DST: variants seen among roughly 807,000 people sequenced by gnomAD.
DST encodes dystonin, also known as bullous pemphigoid antigen.
DST carries 253 observed loss-of-function variants against 875.2 expected under a neutral mutation model. The ratio of observed to expected loss-of-function variants is 0.29; its 90% CI spans 0.26 to 0.32. The LOEUF (loss-of-function observed/expected upper bound fraction) is 0.32. Ranked by LOEUF, DST falls within the 10% of genes least tolerant of loss-of-function variation. The probability of loss-of-function intolerance (pLI) is 1.00; values close to 1 mark genes in which losing one functional copy is unlikely to be tolerated. For synonymous variants in DST, 3,124 were observed against 3,197.1 expected, an observed-to-expected ratio of 0.98 and a Z score of 0.77; for missense variants, 8,287 against 9,111.6, an observed-to-expected ratio of 0.91 and a Z score of 3.68.
intron 4 of DST, among the ~76,000 whole-genome samples, chr6:56,766,836 G>A (rs1173432414): frequency 6.6e-6 from 1 of 152,042 alleles, no homozygotes; most frequent in Non-Finnish European, 1.5e-5. Context: ...CAGCCTTGCA[G>A]TACCTTTAAT....
rs1766824896 is a variant in DST at position 56,854,407 on chromosome 6, C to T, written c.418-2803G>A. 4.0e-5 allele frequency among the ~76,000 whole-genome samples: 6 copies of T among 151,846 alleles called. No homozygotes were observed. In the South Asian group the frequency reaches 1.0e-3, roughly 26 times the overall value. On this transcript the variant is annotated intron_variant, in intron 3 of 103. Transcript: ENST00000680361. ...ACTATTGTTGCCTAAGGTTTGATTC[C>T]TATTAAAATACAAATTCGGTAGCTA...
At chr6:56,502,789 G>A (rs760738385) in intron 78 of DST, among the ~76,000 whole-genome samples, 4 of 152,072 alleles carry the variant, frequency 2.6e-5, no homozygotes, top group Admixed American at 2.6e-4. Flanking sequence ...GTTTCTAAAT[G>A]AAATATTCTA....
intron 2 of DST, among the ~76,000 whole-genome samples, chr6:56,924,295 G>A (rs1033992427): frequency 5.3e-5 from 8 of 152,106 alleles, no homozygotes; most frequent in African/African-American, 1.2e-4. Flanking sequence ...GAGTTGGAAC[G>A]ATAAACATAA....
chr6:56,615,467 G>C (rs1420378454), intron 36 of DST: 16 of 1,611,966 alleles, frequency 9.9e-6, no homozygotes, highest in Non-Finnish European at 1.4e-5. Flanking sequence ...TGAAAAAGTG[G>C]CATGAACCAG....
Position 56,459,278 on chromosome 6 carries a change from A to G in DST, c.23195-11T>C. 2 of 1,610,158 alleles carry G rather than the reference A, an allele frequency of 1.2e-6. No individual in the cohort carries two copies. Among genetic ancestry groups the G allele is most frequent in the Non-Finnish European group, 1.7e-6 (2 of 1,177,900 alleles). On this transcript the variant is annotated splice_polypyrimidine_tract_variant and intron_variant, in intron 103 of 103. Transcript: ENST00000680361. ...GAGTCTTCTTGGAATCTGAGGAAAG[A>G]AGGTAGAGACAGCTCACCCTTATTA...
intron 49 of DST, among the ~76,000 whole-genome samples, chr6:56,579,779 T>C (rs1186360941): frequency 1.6e-4 from 24 of 152,284 alleles, no homozygotes; most frequent in Admixed American, 1.5e-3. Flanking sequence ...GCTTCAAACA[T>C]CAGGCTAAGG....
chr6:56,688,871 A>C (rs1219329320), intron 9 of DST, among the ~76,000 whole-genome samples: 1 of 152,230 alleles, frequency 6.6e-6, no homozygotes, highest in Non-Finnish European at 1.5e-5. Context: ...AAAGAAATAA[A>C]GGAAGAGAGG....
intron 5 of DST, among the ~76,000 whole-genome samples, chr6:56,712,752 C>T (rs1372287652): frequency 6.6e-6 from 1 of 152,068 alleles, no homozygotes; most frequent in Non-Finnish European, 1.5e-5. Flanking sequence ...ATTGTAAATA[C>T]TTTAAAATAA....
chr6:56,647,277 G>A (rs2098948561), intron 13 of DST, among the ~76,000 whole-genome samples: 1 of 152,214 alleles, frequency 6.6e-6, no homozygotes, highest in South Asian at 2.1e-4. Context: ...GGTCGTTGTA[G>A]GGAAAAGTTT....
At chr6:56,872,660 G>A (rs1591933512) in intron 3 of DST, among the ~76,000 whole-genome samples, 1 of 152,228 alleles carries the variant, frequency 6.6e-6, no homozygotes, top group Non-Finnish European at 1.5e-5. Flanking sequence ...AGAACACTCA[G>A]GCCAATGGAA....
rs148116826 is a variant in DST at position 56,935,120 on chromosome 6, A to G, written c.216+18665T>C. ...AACAGCTCAAGGCATGCTTGAGTCCATTATTAACTGAAGTTTCTAGAGAAA... is the reference window on the plus strand; with the variant it reads ...AACAGCTCAAGGCATGCTTGAGTCCGTTATTAACTGAAGTTTCTAGAGAAA... On this transcript the variant is annotated intron_variant, in intron 2 of 103. Transcript: ENST00000680361. 2.9e-4 allele frequency among the ~76,000 whole-genome samples: 44 copies of G among 152,322 alleles called. No homozygotes were observed. The East Asian group carries it at 7.9e-3, about 27-fold the overall frequency.
Position 56,604,813 on chromosome 6 carries a change from A to G in DST, c.9815T>C (p.Leu3272Pro), listed in dbSNP as rs372600833. The G allele has an allele frequency of 1.2e-6, 2 of 1,612,728 alleles. No individual in the cohort carries two copies. The highest frequency in any genetic ancestry group is 2.7e-5 in the African/African-American group (2 of 74,820). Residue 3272 changes from leucine to proline, a missense_variant, in exon 40 of 104, where the codon CTT (leucine) becomes CCT (proline). Transcript: ENST00000680361. ...QFTPESIEATLSILSRKHVED... is the reference protein window; with the variant it reads ...QFTPESIEATPSILSRKHVED... The stretch of plus-strand genomic sequence containing the variant: ...TACATGTTTACGAGATAATATTGAA[A>G]GTGTGGCTTCAATACTTTCTGGTGT...
chr6:56,777,531 C>T (rs1356589364), intron 4 of DST, among the ~76,000 whole-genome samples: 2 of 151,916 alleles, frequency 1.3e-5, no homozygotes, highest in Admixed American at 6.6e-5. Context: ...ATAGCTTGCT[C>T]ATAAAAGAAA....
In DST at chr6:56,501,087, T is replaced by C. The variant is rs372914351; in HGVS notation, c.19889A>G (p.Lys6630Arg). The change falls in exon 80 of 104, where the codon AAG becomes AGG. Residue 6630 changes from lysine (K) to arginine (R), a missense_variant. Lys to Arg is a conservative substitution (Grantham distance 26, BLOSUM62 2). This residue lies in a region of DST where 1,292 missense variants were observed against 1,552.7 expected (regional missense o/e 0.83). Transcript: ENST00000680361. ...GCATTAACAGCTACGTACATGATGCTTGGCAAGTTCAATTTCAATGGCTTT... is the reference window on the plus strand; with the variant it reads ...GCATTAACAGCTACGTACATGATGCCTGGCAAGTTCAATTTCAATGGCTTT... Reference protein sequence around the residue: ...DPKAIEIELAKHHVLQNDVLA... With the variant: ...DPKAIEIELARHHVLQNDVLA... The C allele has an allele frequency of 2.5e-6, 4 of 1,612,282 alleles. No individual in the cohort carries two copies. In the African/African-American group the frequency reaches 5.3e-5, roughly 22 times the overall value.
At chr6:56,734,258 G>A (rs2099515058) in intron 5 of DST, among the ~76,000 whole-genome samples, 1 of 152,228 alleles carries the variant, frequency 6.6e-6, no homozygotes, top group African/African-American at 2.4e-5. Flanking sequence ...TGAGAAAAAG[G>A]TTCTGTCAAG....
intron 4 of DST, among the ~76,000 whole-genome samples, chr6:56,766,868 C>T (rs948771443): frequency 6.6e-6 from 1 of 152,094 alleles, no homozygotes; most frequent in Non-Finnish European, 1.5e-5. Flanking sequence ...TATGGGAAAC[C>T]CCAATTCTCT....
intron 5 of DST, among the ~76,000 whole-genome samples, chr6:56,709,900 A>G (rs1480799832): frequency 1.3e-5 from 2 of 152,212 alleles, no homozygotes; most frequent in Non-Finnish European, 2.9e-5. Flanking sequence ...AGGCAAGGAC[A>G]CACAAAACTA....
chr6:56,684,531 A>C (rs1300979578), intron 9 of DST, among the ~76,000 whole-genome samples: 4 of 152,194 alleles, frequency 2.6e-5, no homozygotes, highest in Non-Finnish European at 2.9e-5. Flanking sequence ...AGCTTAGACT[A>C]AAAGAGGTGA....
chr6:56,544,711 C>T (rs982575418), intron 61 of DST, among the ~76,000 whole-genome samples: 3 of 152,128 alleles, frequency 2.0e-5, no homozygotes, highest in African/African-American at 7.2e-5. Context: ...TTCAAGTATA[C>T]ACCACTTATT....
Sources: allele counts gnomAD v4.1 joint callset (sites outside exome capture counted in the v4.1 genomes callset), GRCh38; gene constraint gnomAD v4.1.1; regional missense constraint gnomAD v4.1.1; transcripts MANE v1.5; gene names NCBI Gene and HGNC (gene_info 2026-07-23, HGNC 2026-07-21).